Variants in YLPM1 observed in about 807,000 individuals in gnomAD.
The protein encoded by YLPM1 is YLP motif containing 1, also known as YLP motif-containing protein 1.
Under a neutral mutation model 230.0 loss-of-function variants are expected in YLPM1, and 99 were observed. That is an observed-to-expected ratio of 0.43 (90% CI 0.37 to 0.51). The LOEUF is 0.51. YLPM1 is among the 20% of genes least tolerant of loss of function. The pLI, the probability that YLPM1 is intolerant of heterozygous loss-of-function variation, is 0.00. For missense variants in YLPM1, 2,592 were observed against 2,707.7 expected (o/e 0.96, Z 0.95); for synonymous variants, 984 against 942.5 (o/e 1.04, Z -0.81).
intron 4 of YLPM1, among the ~76,000 whole-genome samples, chr14:74,782,993 A>G (rs1166650999): frequency 2.0e-5 from 3 of 152,204 alleles, no homozygotes. Context: ...AAAACTGTTA[A>G]ATTCATTTTT....
At chr14:74,807,116 C>A (rs2091387247) in intron 6 of YLPM1, among the ~76,000 whole-genome samples, 1 of 152,068 alleles carries the variant, frequency 6.6e-6, no homozygotes, top group Non-Finnish European at 1.5e-5. Context: ...GTAGTTACCT[C>A]CAGTCAAATA....
chr14:74,786,978 T>C (rs375231693), intron 4 of YLPM1, among the ~76,000 whole-genome samples: 6 of 152,230 alleles, frequency 3.9e-5, no homozygotes, highest in East Asian at 1.9e-4. Flanking sequence ...TGTTAAACTT[T>C]TAAGGTTTAG....
intron 1 of YLPM1, among the ~76,000 whole-genome samples, chr14:74,775,506 T>C (rs1009049505): frequency 3.3e-5 from 5 of 152,136 alleles, no homozygotes; most frequent in African/African-American, 1.2e-4. Context: ...GATTAGAAAA[T>C]AGGCAAGTAA....
At chr14:74,821,234 A>G in intron 17 of YLPM1, 97 bp downstream of exon 17, 2 of 1,420,896 alleles carry the variant, frequency 1.4e-6, no homozygotes, top group East Asian at 5.3e-5. Flanking sequence ...TACTGTTGAT[A>G]TACACTTTAG....
intron 13 of YLPM1, 97 bp from the exon 14 acceptor site, chr14:74,816,834 G>T (rs1409443418): frequency 1.4e-6 from 2 of 1,444,132 alleles, no homozygotes; most frequent in South Asian, 1.5e-5. Flanking sequence ...GTGAAGGAAA[G>T]ACTACAAAGT....
At chr14:74,805,702 T>C (rs2091371234) in intron 6 of YLPM1, among the ~76,000 whole-genome samples, 1 of 145,464 alleles carries the variant, frequency 6.9e-6, no homozygotes, top group Non-Finnish European at 1.5e-5. Context: ...AGAATAAGCA[T>C]ACTTTTTTTT....
Position 74,799,171 on chromosome 14 carries a change from C to T in YLPM1, c.3874C>T (p.Arg1292Trp), listed in dbSNP as rs768596294. 9 of 1,613,572 alleles carry T rather than the reference C, an allele frequency of 5.6e-6. No homozygotes were observed. In the East Asian group the frequency reaches 1.3e-4, roughly 24 times the overall value. ...MERDMDRDVDRISRPMDMYDR... is the reference protein window; with the variant it reads ...MERDMDRDVDWISRPMDMYDR... ...AAGGGACATGGACAGGGATGTGGAT[C>T]GGATTTCAAGACCTATGGATATGTA... The change falls in exon 5 of 21, where the codon CGG (arginine) becomes TGG (tryptophan). Residue 1292 changes from arginine to tryptophan, a missense_variant. This residue lies in a region of YLPM1 where 1,862 missense variants were observed against 1,819.8 expected (regional missense o/e 1.02). Coordinates refer to ENST00000325680, the MANE Select transcript of YLPM1 (RefSeq NM_019589.3).
intron 15 of YLPM1, 101 bp downstream of exon 15, chr14:74,817,378 A>G (rs1682609780): frequency 9.2e-7 from 1 of 1,089,518 alleles, no homozygotes. Flanking sequence ...ATAAGATTAT[A>G]ATGTATTTTT....
intron 17 of YLPM1, among the ~76,000 whole-genome samples, chr14:74,823,207 A>G (rs942878146): frequency 2.0e-5 from 3 of 152,068 alleles, no homozygotes; most frequent in African/African-American, 7.2e-5. Flanking sequence ...ATGCTTTGTG[A>G]CTTACTTTAC....
intron 5 of YLPM1, among the ~76,000 whole-genome samples, chr14:74,800,401 C>G (rs1412859949): frequency 6.6e-6 from 1 of 152,212 alleles, no homozygotes; most frequent in Non-Finnish European, 1.5e-5. Context: ...TGCATGCTTA[C>G]TCCGGGCCAG....
In YLPM1 at chr14:74,763,481, T is replaced by C. The variant is rs1372499299; in HGVS notation, c.-9T>C. The C allele has an allele frequency of 6.9e-7, 1 of 1,442,480 alleles. No homozygotes were observed. 89.4% of individuals were successfully genotyped at this position (1,442,480 alleles called of 1,614,324 possible). ...GCGCCAGGACGAGCCCTGCGCCTTC[T>C]TTTTCGATATGTACCCGAATTGGGG... On this transcript the variant is annotated 5_prime_UTR_variant, in exon 1 of 21. Coordinates refer to ENST00000325680, the MANE Select transcript of YLPM1 (RefSeq NM_019589.3).
At chr14:74,804,432 C>T (rs2091357260) in intron 6 of YLPM1, among the ~76,000 whole-genome samples, 1 of 152,046 alleles carries the variant, frequency 6.6e-6, no homozygotes, top group Non-Finnish European at 1.5e-5. Flanking sequence ...CTACTCCACT[C>T]TCTGATGCTT....
chr14:74,825,289 AACTACTTGTGTTAGTAGTTGGT>A (rs2140141874), intron 18 of YLPM1, among the ~76,000 whole-genome samples: 1 of 152,232 alleles, frequency 6.6e-6, no homozygotes, highest in African/African-American at 2.4e-5. Flanking sequence ...AATTTGCCCC[AACTACTTGTGTTAGTAGTTGGT>A]ATTGACTAGG....
In YLPM1 at chr14:74,797,976, C is replaced by G; in HGVS notation, c.2679C>G (p.Val893=). The G allele has an allele frequency of 1.2e-6, 2 of 1,610,672 alleles. No homozygotes were observed. Among genetic ancestry groups the G allele is most frequent in the Non-Finnish European group, 1.7e-6 (2 of 1,177,584 alleles). ...CCATTGCTGCAGATGTAAAGGATGT[C>G]AAGGCGGCTCAGTCAAATGAGAATC... ...AFSIAADVKD[V]KAAQSNENLS... The change falls in exon 5 of 21, where the codon GTC becomes GTG. Residue 893 remains valine, a synonymous_variant. Coordinates refer to ENST00000325680, the MANE Select transcript of YLPM1 (RefSeq NM_019589.3).
chr14:74,835,173 G>T (rs558174695), intron 19 of YLPM1, 92 bp from the exon 20 acceptor site: 1 of 1,467,440 alleles, frequency 6.8e-7, no homozygotes, highest in South Asian at 1.4e-5. Flanking sequence ...TTTCAAATGA[G>T]TCATTCTACC....
intron 6 of YLPM1, among the ~76,000 whole-genome samples, chr14:74,804,378 C>G (rs2091356800): frequency 6.6e-6 from 1 of 152,202 alleles, no homozygotes; most frequent in African/African-American, 2.4e-5. Context: ...GCATGACTTT[C>G]TTGTTCTTCC....
chr14:74,771,787 G>A (rs1180001990), intron 1 of YLPM1, among the ~76,000 whole-genome samples: 2 of 152,172 alleles, frequency 1.3e-5, no homozygotes, highest in African/African-American at 4.8e-5. Flanking sequence ...ACTCTTTCAA[G>A]AAGTTTGACT....
intron 19 of YLPM1, among the ~76,000 whole-genome samples, chr14:74,829,877 T>C (rs1261408536): frequency 6.6e-6 from 1 of 152,180 alleles, no homozygotes. Flanking sequence ...GAAATATAAG[T>C]GAAAATGTCA....
At position 74,835,376 on chromosome 14, in the gene YLPM1, G is replaced by T; in HGVS notation, c.6406G>T (p.Ala2136Ser). 1 of 1,613,672 alleles carries T rather than the reference G, an allele frequency of 6.2e-7. No homozygotes were observed. The highest frequency in any genetic ancestry group is 8.5e-7 in the Non-Finnish European group (1 of 1,179,712). The stretch of plus-strand genomic sequence containing the variant: ...GATCACAGATGAAAGTGGTCACCTG[G>T]CTGAAAAAGCCCTCAATCGAACCAA... The part of the protein sequence containing the change: ...EKITDESGHL[A>S]EKALNRTKYI Residue 2136 changes from alanine (A) to serine (S), a missense_variant, in exon 20 of 21, where the codon GCT (alanine) becomes TCT (serine). Transcript: ENST00000325680.
Sources: allele counts gnomAD v4.1 joint callset (sites outside exome capture counted in the v4.1 genomes callset), GRCh38; gene constraint gnomAD v4.1.1; regional missense constraint gnomAD v4.1.1; transcripts MANE v1.5; gene names NCBI Gene and HGNC (gene_info 2026-07-23, HGNC 2026-07-21).